CIB2: variants seen among roughly 807,000 people sequenced by gnomAD.
CIB2 encodes calcium and integrin binding family member 2, also known as calcium and integrin-binding family member 2.
In CIB2, 19 loss-of-function variants were observed where a neutral mutation model predicts 23.1. The observed-to-expected ratio is 0.82, with a 90% confidence interval of 0.57 to 1.21. The LOEUF (loss-of-function observed/expected upper bound fraction) is 1.21. CIB2 is among the 50% of genes most tolerant of loss of function. The pLI is 0.00. For synonymous variants in CIB2, 94 were observed against 91.7 expected (o/e 1.03, Z -0.14); for missense variants, 220 against 241.5 (o/e 0.91, Z 0.59).
chr15:78,118,022 T>C (rs1465945285), intron 2 of CIB2, among the ~76,000 whole-genome samples: 1 of 152,250 alleles, frequency 6.6e-6, no homozygotes, highest in African/African-American at 2.4e-5. Context: ...GCTGGAAATC[T>C]AAATGTTCAA....
At chr15:78,121,442 G>C (rs1420093463) in intron 2 of CIB2, among the ~76,000 whole-genome samples, 1 of 152,140 alleles carries the variant, frequency 6.6e-6, no homozygotes, top group African/African-American at 2.4e-5. Flanking sequence ...CAAGGGGCCA[G>C]GGATACCCCT....
intron 2 of CIB2, chr15:78,120,570 A>T: frequency 6.1e-6 from 6 of 985,406 alleles, no homozygotes; most frequent in Non-Finnish European, 7.2e-6. Flanking sequence ...GCTCTTACCT[A>T]TAAAAAGCAA....
rs1194660072 is a variant in CIB2 at position 78,131,065 on chromosome 15, G to A, written c.51+100C>T. On this transcript the variant is annotated intron_variant, in intron 1 of 5. Transcript: ENST00000258930. This position sits in a 1 kb window ranked among gnomAD's most constrained non-coding sequence, Gnocchi z 5.8. ...GAAGGCAGAGGCAGGGTTTGAACCTGGGAGAGCTGGCTCTCGGGAGGCCTC... is the reference window on the plus strand; with the variant it reads ...GAAGGCAGAGGCAGGGTTTGAACCTAGGAGAGCTGGCTCTCGGGAGGCCTC... 3.7e-6 allele frequency: 4 copies of A among 1,087,782 alleles called. No individual in the cohort carries two copies. The highest frequency in any genetic ancestry group is 3.0e-5 in the East Asian group (1 of 33,786). 67.4% of individuals were successfully genotyped at this position (1,087,782 alleles called of 1,614,324 possible).
intron 2 of CIB2, among the ~76,000 whole-genome samples, chr15:78,117,295 T>TGGGCCGGGCGCG (rs2074255873): frequency 1.1e-5 from 1 of 94,176 alleles, no homozygotes; most frequent in African/African-American, 4.3e-5. Context: ...AAAGAATAAA[T>TGGGCCGGGCGCG]GTAGGAGTGT....
At chr15:78,117,943 C>T (rs913055452) in intron 2 of CIB2, among the ~76,000 whole-genome samples, 2 of 152,120 alleles carry the variant, frequency 1.3e-5, no homozygotes, top group Non-Finnish European at 2.9e-5. Flanking sequence ...TGGAAATACC[C>T]ATATATGTGC....
chr15:78,131,133 C>A lies in CIB2; in HGVS notation c.51+32G>T. The A allele has an allele frequency of 6.4e-7, 1 of 1,553,966 alleles. No homozygotes were observed. Among genetic ancestry groups the A allele is most frequent in the Non-Finnish European group, 8.7e-7 (1 of 1,149,060 alleles). On this transcript the variant is annotated intron_variant, in intron 1 of 5. Transcript: ENST00000258930. This position sits in a 1 kb window ranked among gnomAD's most constrained non-coding sequence, Gnocchi z 5.8. ...AGGGAGGGGCGGCGGGGCGGCGGGG[C>A]CTGTGTTGGGGGCCGGGCGCGCCGA...
chr15:78,128,441 C>T (rs944801134), intron 1 of CIB2, among the ~76,000 whole-genome samples: 1 of 152,150 alleles, frequency 6.6e-6, no homozygotes, highest in African/African-American at 2.4e-5. Flanking sequence ...CTCTGGGAGG[C>T]CAAGGCAGGT....
At chr15:78,109,566 G>C in intron 3 of CIB2, 184 bp from the exon 4 acceptor site, 1 of 674,736 alleles carries the variant, frequency 1.5e-6, no homozygotes, top group Non-Finnish European at 2.6e-6. Flanking sequence ...GGGATTAAAT[G>C]AGCTAAAGTA....
chr15:78,109,463 T>C, intron 3 of CIB2, 81 bp from the exon 4 acceptor site: 1 of 1,566,038 alleles, frequency 6.4e-7, no homozygotes, highest in South Asian at 1.1e-5. Context: ...ACAGCCTGTG[T>C]GACCCTGGAG....
chr15:78,130,420 A>C (rs2074438076), intron 1 of CIB2, among the ~76,000 whole-genome samples: 1 of 152,146 alleles, frequency 6.6e-6, no homozygotes, highest in Non-Finnish European at 1.5e-5. Flanking sequence ...GCAATTGGCC[A>C]GGGCTCCGGG....
chr15:78,120,638 G>A, intron 2 of CIB2: 2 of 985,314 alleles, frequency 2.0e-6, no homozygotes, highest in Non-Finnish European at 2.4e-6. Flanking sequence ...CAGGAGCTGT[G>A]TCCTGGGGAG....
intron 1 of CIB2, among the ~76,000 whole-genome samples, chr15:78,126,645 G>A (rs1378067082): frequency 1.3e-5 from 2 of 152,172 alleles, no homozygotes; most frequent in African/African-American, 2.4e-5. Context: ...ACAGGCTTGT[G>A]GGATGAGTGA....
chr15:78,119,692 C>T (rs2074292292), intron 2 of CIB2, among the ~76,000 whole-genome samples: 1 of 152,018 alleles, frequency 6.6e-6, no homozygotes, highest in Non-Finnish European at 1.5e-5. Flanking sequence ...CCTGCCTCAG[C>T]CTCCTGAGTA....
chr15:78,130,248 G>GC (rs1170817292), intron 1 of CIB2, among the ~76,000 whole-genome samples: 2 of 152,062 alleles, frequency 1.3e-5, no homozygotes, highest in Middle Eastern at 3.2e-3. Flanking sequence ...TCCTCTGGAG[G>GC]GGGGAAAGGC....
chr15:78,110,478 C>T (rs2074140305), intron 3 of CIB2, among the ~76,000 whole-genome samples: 1 of 152,254 alleles, frequency 6.6e-6, no homozygotes, highest in African/African-American at 2.4e-5. Context: ...CTGACTCCAC[C>T]TTCAAGCCAC....
At chr15:78,117,197 C>T (rs1020261014) in intron 2 of CIB2, among the ~76,000 whole-genome samples, 3 of 127,782 alleles carry the variant, frequency 2.3e-5, no homozygotes, top group Non-Finnish European at 4.7e-5. Flanking sequence ...GGGATCTAGC[C>T]AGCCCAATTC....
intron 1 of CIB2, among the ~76,000 whole-genome samples, chr15:78,128,786 C>T (rs1007655270): frequency 2.6e-5 from 4 of 151,452 alleles, no homozygotes; most frequent in African/African-American, 9.7e-5. Context: ...GCAGGAGGGG[C>T]GCAGGAGGGA....
intron 1 of CIB2, among the ~76,000 whole-genome samples, chr15:78,130,706 G>C (rs2141924980): frequency 6.6e-6 from 1 of 152,254 alleles, no homozygotes; most frequent in South Asian, 2.1e-4. Flanking sequence ...GACTGCATGT[G>C]GGGACTGATG....
At chr15:78,105,415 C>T in intron 5 of CIB2, 83 bp from the exon 6 acceptor site, 1 of 1,600,034 alleles carries the variant, frequency 6.2e-7, no homozygotes, top group South Asian at 1.1e-5. Flanking sequence ...CACAGCAGGC[C>T]CCAGCCCCAT....
Sources: gnomAD v4.1 joint callset for allele counts (sites outside exome capture counted in the v4.1 genomes callset) on GRCh38, gnomAD v4.1.1 for gene constraint, Gnocchi (gnomAD v3.1) non-coding constraint, MANE v1.5 for transcripts, NCBI Gene and HGNC (gene_info 2026-07-23, HGNC 2026-07-21) for gene names.